FOXP1: variants seen among roughly 807,000 people sequenced by gnomAD.
FOXP1 encodes forkhead box protein P1.
FOXP1 carries 15 observed loss-of-function variants against 98.2 expected under a neutral mutation model. The ratio of observed to expected loss-of-function variants is 0.15; its 90% CI spans 0.10 to 0.24. The LOEUF is 0.24. Among genes scored for constraint, FOXP1 ranks in the 10% least tolerant of loss-of-function variants. The pLI, the probability that FOXP1 is intolerant of heterozygous loss-of-function variation, is 1.00. For missense variants in FOXP1, 633 were observed against 848.5 expected (o/e 0.75, Z 3.15); for synonymous variants, 371 against 314.5 (o/e 1.18, Z -1.90).
chr3:71,168,817 C>T (rs2061506185), intron 6 of FOXP1, among the ~76,000 whole-genome samples: 1 of 152,154 alleles, frequency 6.6e-6, no homozygotes, highest in Admixed American at 6.5e-5. Context: ...TGATGAAGTA[C>T]TTCTATAGAA....
At chr3:71,079,226 A>G (rs1052341409) in intron 7 of FOXP1, among the ~76,000 whole-genome samples, 1 of 152,020 alleles carries the variant, frequency 6.6e-6, no homozygotes, top group African/African-American at 2.4e-5. Context: ...TCATTATTCT[A>G]TTAATACAGT....
In FOXP1 at chr3:71,489,354, G is replaced by A. The variant is rs143293431; in HGVS notation, c.-168+4072C>T. 2.6e-5 allele frequency among the ~76,000 whole-genome samples: 4 copies of A among 152,236 alleles called. No homozygotes were observed. The East Asian group carries it at 5.8e-4, about 22-fold the overall frequency. ...AATAACACATAACAATGAATGTTGC[G>A]TGACGCTTATGTCTTTTCACCAGAT... On this transcript the variant is annotated intron_variant, in intron 3 of 20. Transcript: ENST00000649528.
At chr3:71,396,957 T>C (rs937135701) in intron 3 of FOXP1, among the ~76,000 whole-genome samples, 5 of 50,098 alleles carry the variant, frequency 1.0e-4, no homozygotes, top group African/African-American at 3.1e-4. Context: ...TGTGTATATA[T>C]ATATATGTGT....
At chr3:71,151,584 T>C (rs775418361) in intron 6 of FOXP1, among the ~76,000 whole-genome samples, 1 of 150,680 alleles carries the variant, frequency 6.6e-6, no homozygotes, top group East Asian at 1.9e-4. Context: ...CTGCACTAGA[T>C]AGAAAGACAC....
chr3:71,281,870 G>T (rs759913960), intron 5 of FOXP1, among the ~76,000 whole-genome samples: 1 of 151,428 alleles, frequency 6.6e-6, no homozygotes, highest in Non-Finnish European at 1.5e-5. Context: ...GGAGGCCAAG[G>T]CATGTCACTT....
At chr3:71,013,039 TA>T (rs2043891884) in intron 12 of FOXP1, among the ~76,000 whole-genome samples, 2 of 152,216 alleles carry the variant, frequency 1.3e-5, no homozygotes, top group Admixed American at 1.3e-4. Flanking sequence ...GTCTAAATTT[TA>T]TTTTTAACTG....
rs1392450560 is a variant in FOXP1 at position 71,467,201 on chromosome 3, GCACATACATATATATA to G, written c.-168+26209_-168+26224del. Reference sequence around the variant, plus strand: ...TACATGCATACATACTTATGCCTATGCACATACATATATATACACATACATATATACATACACACAC... The same window carrying G: ...TACATGCATACATACTTATGCCTATGCACATACATATATACATACACACAC... On this transcript the variant is annotated intron_variant, in intron 3 of 20. Coordinates refer to ENST00000649528, the MANE Select transcript of FOXP1 (RefSeq NM_001349338.3). Among the ~76,000 whole-genome samples, 11 of 152,218 alleles carry G rather than the reference GCACATACATATATATA, an allele frequency of 7.2e-5. No homozygotes were observed. The East Asian group carries it at 2.1e-3, about 29-fold the overall frequency.
chr3:71,418,760 AC>A (rs1239207294), intron 3 of FOXP1, among the ~76,000 whole-genome samples: 2 of 152,166 alleles, frequency 1.3e-5, no homozygotes, highest in African/African-American at 4.8e-5. Flanking sequence ...GCCATTTGAG[AC>A]CAATACCACT....
At chr3:71,126,996 T>G (rs1414485386) in intron 6 of FOXP1, among the ~76,000 whole-genome samples, 3 of 152,094 alleles carry the variant, frequency 2.0e-5, no homozygotes, top group Non-Finnish European at 2.9e-5. Context: ...AAAAGCACAT[T>G]TTGAGTAGAG....
intron 5 of FOXP1, among the ~76,000 whole-genome samples, chr3:71,224,233 T>G (rs73839453): frequency 6.6e-6 from 1 of 152,120 alleles, no homozygotes; most frequent in Non-Finnish European, 1.5e-5. Flanking sequence ...GATGAGCCCA[T>G]GAGGGATTGC....
At chr3:71,149,072 T>C (rs139897532) in intron 6 of FOXP1, among the ~76,000 whole-genome samples, 242 of 152,310 alleles carry the variant, frequency 1.6e-3, no homozygotes, top group African/African-American at 5.4e-3. Context: ...TCTGCAATTA[T>C]TAGGCCAGGT....
At position 70,977,049 on chromosome 3, in the gene FOXP1, A is replaced by G. The variant is rs768018746; in HGVS notation, c.1429-7T>C. The G allele has an allele frequency of 1.2e-5, 19 of 1,578,286 alleles. 1 individual carries two copies. In the South Asian group the frequency reaches 1.4e-4, roughly 12 times the overall value. On this transcript the variant is annotated splice_region_variant and splice_polypyrimidine_tract_variant and intron_variant, in intron 16 of 20. Coordinates refer to ENST00000649528, the MANE Select transcript of FOXP1 (RefSeq NM_001349338.3). ...CTGGAGATTCGAGAATGGCCTGTGAAGCAGAATGTAACAGAAGATAATTTA... is the reference window on the plus strand; with the variant it reads ...CTGGAGATTCGAGAATGGCCTGTGAGGCAGAATGTAACAGAAGATAATTTA...
intron 10 of FOXP1, among the ~76,000 whole-genome samples, chr3:71,045,386 T>C (rs904249314): frequency 1.3e-5 from 2 of 152,186 alleles, no homozygotes; most frequent in Admixed American, 1.3e-4. Context: ...TGATGTACTA[T>C]AACAATGAAC....
intron 3 of FOXP1, among the ~76,000 whole-genome samples, chr3:71,383,668 T>TA (rs2080349690): frequency 1.3e-5 from 2 of 152,158 alleles, no homozygotes; most frequent in South Asian, 4.1e-4. Context: ...TGTACTTAAC[T>TA]AAAAAGATCA....
At chr3:71,307,234 T>C (rs995020073) in intron 4 of FOXP1, among the ~76,000 whole-genome samples, 7 of 152,194 alleles carry the variant, frequency 4.6e-5, no homozygotes, top group African/African-American at 1.7e-4. Context: ...CACAGATCCT[T>C]CACAGCCTTC....
intron 6 of FOXP1, among the ~76,000 whole-genome samples, chr3:71,125,194 T>C (rs2059076251): frequency 6.6e-6 from 1 of 152,174 alleles, no homozygotes; most frequent in Non-Finnish European, 1.5e-5. Context: ...ATACTATCAA[T>C]GAAGAAAATG....
At chr3:71,017,848 T>C (rs1559731956) in intron 11 of FOXP1, among the ~76,000 whole-genome samples, 1 of 152,194 alleles carries the variant, frequency 6.6e-6, no homozygotes, top group African/African-American at 2.4e-5. Flanking sequence ...AATCACTCAA[T>C]TAATGAGTAC....
At chr3:71,359,861 C>T (rs181715069) in intron 3 of FOXP1, among the ~76,000 whole-genome samples, 32 of 152,184 alleles carry the variant, frequency 2.1e-4, no homozygotes, top group Non-Finnish European at 3.8e-4. Flanking sequence ...GGCATGATCT[C>T]GGCTCACTGC....
At chr3:71,156,005 G>C (rs2108098444) in intron 6 of FOXP1, among the ~76,000 whole-genome samples, 1 of 152,334 alleles carries the variant, frequency 6.6e-6, no homozygotes, top group Middle Eastern at 3.4e-3. Context: ...TCTTTGGTAA[G>C]GGAGGTAGGG....
Sources: gnomAD v4.1 joint callset for allele counts (sites outside exome capture counted in the v4.1 genomes callset) on GRCh38, gnomAD v4.1.1 for gene constraint, MANE v1.5 for transcripts, NCBI Gene and HGNC (gene_info 2026-07-23, HGNC 2026-07-21) for gene names.